The following ESPL1 variants were observed in gnomAD, a reference collection of about 807,000 sequenced individuals.
ESPL1 encodes extra spindle pole bodies like 1, separase.
In ESPL1, 50 loss-of-function variants were observed where a neutral mutation model predicts 217.2. The observed-to-expected ratio is 0.23, with a 90% confidence interval of 0.18 to 0.29. ESPL1 has a LOEUF of 0.29. Among genes scored for constraint, ESPL1 ranks in the 10% least tolerant of loss-of-function variants. ESPL1 has a pLI of 1.00. For missense variants in ESPL1, 1,834 were observed against 2,603.0 expected (o/e 0.70, Z 6.43); for synonymous variants, 994 against 1,081.3 (o/e 0.92, Z 1.58).
intron 9 of ESPL1, 112 bp downstream of exon 9, chr12:53,277,339 G>A: frequency 2.7e-6 from 4 of 1,469,620 alleles, no homozygotes; most frequent in Non-Finnish European, 3.7e-6. Flanking sequence ...TTAGAGATGG[G>A]GTCTCTCTGT....
Position 53,269,526 on chromosome 12 carries a change from C to T in ESPL1, c.584C>T (p.Ala195Val), listed in dbSNP as rs759314610. 1 of 1,614,132 alleles carries T rather than the reference C, an allele frequency of 6.2e-7. No individual in the cohort carries two copies. Among genetic ancestry groups the T allele is most frequent in the African/African-American group, 1.3e-5 (1 of 74,936 alleles). Residue 195 changes from alanine (A) to valine (V), a missense_variant, in exon 3 of 31, where the codon GCC (alanine) becomes GTC (valine). Physicochemically the swap from Ala to Val is moderately conservative, Grantham distance 64 (BLOSUM62 0). Transcript: ENST00000257934. This position sits in a 1 kb window ranked among gnomAD's most constrained non-coding sequence, Gnocchi z 6.7. Reference sequence around the variant, plus strand: ...GTTCCTCACTTTGCTTCTCCAACAGCCTGTCGAGCGGTAGCTGCCCATCAG... The same window carrying T: ...GTTCCTCACTTTGCTTCTCCAACAGTCTGTCGAGCGGTAGCTGCCCATCAG... The part of the protein sequence containing the change: ...CEVPHFASPT[A>V]CRAVAAHQLF...
In ESPL1 at chr12:53,285,928, T is replaced by A; in HGVS notation, c.3192T>A (p.Phe1064Leu). Residue 1064 changes from phenylalanine (F) to leucine (L), a missense_variant, in exon 18 of 31, where the codon TTT becomes TTA. By Grantham distance (22) the Phe-to-Leu change is conservative (BLOSUM62 0). This residue lies in a region of ESPL1 where 681 missense variants were observed against 808.0 expected (regional missense o/e 0.84). Coordinates refer to ENST00000257934, the MANE Select transcript of ESPL1 (RefSeq NM_012291.5). ...CTTGTTCTGCCTTCTCCCCAGAGTT[T>A]GGTGGGGTGACTCAGCACCTGGACT... ...VLFLLESCTE[F>L]GGVTQHLDSV... The A allele has an allele frequency of 6.6e-7, 1 of 1,518,538 alleles. No individual in the cohort carries two copies. The highest frequency in any genetic ancestry group is 8.8e-7 in the Non-Finnish European group (1 of 1,131,140). 94.1% of individuals were successfully genotyped at this position (1,518,538 alleles called of 1,614,324 possible).
Position 53,282,888 on chromosome 12 carries a change from G to A in ESPL1, c.2792-241G>A, listed in dbSNP as rs568067617. Among the ~76,000 whole-genome samples, 9 of 152,308 alleles carry A rather than the reference G, an allele frequency of 5.9e-5. No homozygotes were observed. Among genetic ancestry groups the A allele is most frequent in the South Asian group, 4.1e-4 (2 of 4,830 alleles). On this transcript the variant is annotated intron_variant, in intron 14 of 30. Coordinates refer to ENST00000257934, the MANE Select transcript of ESPL1 (RefSeq NM_012291.5). The surrounding 1 kb of genome is among the most constrained non-coding windows in gnomAD (Gnocchi z 4.0). ...AGGCTGGTCTCAAACTCCTGACCTC[G>A]GGTGATCCGTCTGCCTCAGCCTCCC... is the stretch of plus-strand genomic sequence containing the variant.
rs751140714 is a variant in ESPL1 at position 53,286,771 on chromosome 12, C to T, written c.4035C>T (p.Cys1345=). ...GTCTGGAAGGTAGAGGACTGCCCTG[C>T]ACACCTAAACCCCCAGACCGGATCA... ...QKGLEGRGLP[C]TPKPPDRIRQ... is the part of the protein sequence containing the mutation. Residue 1345 remains cysteine, a synonymous_variant, in exon 18 of 31, where the codon TGC becomes TGT. Transcript: ENST00000257934. This position sits in a 1 kb window ranked among gnomAD's most constrained non-coding sequence, Gnocchi z 5.3. 1.2e-6 allele frequency: 2 copies of T among 1,614,166 alleles called. No homozygotes were observed. The highest frequency in any genetic ancestry group is 1.1e-5 in the South Asian group (1 of 91,082).
chr12:53,274,859 C>G lies in ESPL1; in HGVS notation c.1549C>G (p.Leu517Val). Residue 517 changes from leucine to valine, a missense_variant, in exon 7 of 31, where the codon CTG (leucine) becomes GTG (valine). Leu to Val is a conservative substitution (Grantham distance 32). Around this residue, in one of 5 missense-constraint regions of ESPL1, gnomAD observed 746 missense variants for 1,077.0 expected, o/e 0.69. Transcript: ENST00000257934. ...GCTACAAGTAGAGAGTTTGAAGAAA[C>G]TGGGTAAACAGGCCCAGGGCTGCAA... ...FRLQVESLKK[L>V]GKQAQGCKMV... 2.5e-6 allele frequency: 4 copies of G among 1,614,136 alleles called. No homozygotes were observed. The highest frequency in any genetic ancestry group is 3.4e-6 in the Non-Finnish European group (4 of 1,180,000).
chr12:53,287,559 T>A (rs1428510911), intron 18 of ESPL1: 1 of 155,466 alleles, frequency 6.4e-6, no homozygotes, highest in African/African-American at 2.4e-5. Context: ...AAGACGGGGT[T>A]TTACCATGAT....
chr12:53,272,154 T>C (rs1943687424), intron 5 of ESPL1, among the ~76,000 whole-genome samples: 2 of 152,040 alleles, frequency 1.3e-5, no homozygotes, highest in Admixed American at 6.5e-5. Context: ...TACTTGGATG[T>C]GTCGGTAAGC....
chr12:53,291,089 G>C, intron 25 of ESPL1, 93 bp downstream of exon 25: 1 of 1,121,940 alleles, frequency 8.9e-7, no homozygotes, highest in Non-Finnish European at 1.2e-6. Context: ...GATTGCTTGA[G>C]CTCAGGAGCT....
chr12:53,293,185 C>A lies in ESPL1; in HGVS notation c.6162-88C>A. The A allele has an allele frequency of 8.4e-7, 1 of 1,196,624 alleles. No individual in the cohort carries two copies. Among genetic ancestry groups the A allele is most frequent in the Non-Finnish European group, 1.2e-6 (1 of 810,868 alleles). 74.1% of individuals were successfully genotyped at this position (1,196,624 alleles called of 1,614,324 possible). On this transcript the variant is annotated intron_variant, in intron 30 of 30. Coordinates refer to ENST00000257934, the MANE Select transcript of ESPL1 (RefSeq NM_012291.5). The surrounding 1 kb of genome is among the most constrained non-coding windows in gnomAD (Gnocchi z 4.2). ...AGTTTCTCATTGGTTCAATCCTCTC[C>A]ACTCACCCACCCCCACCACCAATGG...
Position 53,292,193 on chromosome 12 carries a change from C to G in ESPL1, c.5797-85C>G, listed in dbSNP as rs772543663. 4.2e-6 allele frequency: 6 copies of G among 1,415,892 alleles called. No homozygotes were observed. Among genetic ancestry groups the G allele is most frequent in the Non-Finnish European group, 6.0e-6 (6 of 1,000,154 alleles). The allele number at this position is 1,415,892 out of a possible 1,614,324, so 87.7% of individuals were successfully genotyped here. On this transcript the variant is annotated intron_variant, in intron 27 of 30. Transcript: ENST00000257934. The surrounding 1 kb of genome is among the most constrained non-coding windows in gnomAD (Gnocchi z 4.5). ...AGATAGGAGAGGGTCCTAGGAATGG[C>G]TCAGACATGGAAAGGGGCTGAGATT...
At position 53,277,872 on chromosome 12, in the gene ESPL1, C is replaced by A. The variant is rs1004139204; in HGVS notation, c.2276C>A (p.Thr759Lys). 3 of 1,614,206 alleles carry A rather than the reference C, an allele frequency of 1.9e-6. No homozygotes were observed. Among genetic ancestry groups the A allele is most frequent in the South Asian group, 2.2e-5 (2 of 91,086 alleles). Residue 759 changes from threonine (T) to lysine (K), a missense_variant, in exon 11 of 31, where the codon ACA becomes AAA. Transcript: ENST00000257934. ...QALALWKELL[T>K]KGQAPAVRCL... ...CTGGCCCTGTGGAAGGAGCTGCTTA[C>A]AAAGGGGCAGGCCCCAGCTGTACGG...
intron 17 of ESPL1, 57 bp from the exon 18 acceptor site, chr12:53,285,854 CAAGGTCGCTCAGG>C (rs1943938651): frequency 7.4e-7 from 1 of 1,345,362 alleles, no homozygotes; most frequent in Non-Finnish European, 1.0e-6. Flanking sequence ...AATTGGGCCC[CAAGGTCGCTCAGG>C]AAGTGCTTGA....
intron 12 of ESPL1, 29 bp from the exon 13 acceptor site, chr12:53,281,477 TC>T: frequency 6.2e-7 from 1 of 1,608,796 alleles, no homozygotes; most frequent in South Asian, 1.1e-5. Context: ...TGGCTGCCTT[TC>T]CTCATGTGCC....
chr12:53,287,802 G>A, intron 18 of ESPL1, 170 bp from the exon 19 acceptor site: 1 of 596,148 alleles, frequency 1.7e-6, no homozygotes, highest in Non-Finnish European at 2.9e-6. Context: ...ACACCCAAGA[G>A]TCGCTGCCCC....
chr12:53,290,982 C>G lies in ESPL1; in HGVS notation c.5506C>G (p.Arg1836Gly), dbSNP rs775902491. The stretch of plus-strand genomic sequence containing the variant: ...GGACTGTGGCTGGAAATATCCTGAC[C>G]GCACTCTGCTGAAAGTGAGTGAGGA... Reference protein sequence around the residue: ...LQDCGWKYPDRTLLKIMLSGA... With the variant: ...LQDCGWKYPDGTLLKIMLSGA... Residue 1836 changes from arginine (R) to glycine (G), a missense_variant, in exon 25 of 31, where the codon CGC (arginine) becomes GGC (glycine). This residue lies in a region of ESPL1 where 295 missense variants were observed against 519.8 expected (regional missense o/e 0.57). Coordinates refer to ENST00000257934, the MANE Select transcript of ESPL1 (RefSeq NM_012291.5). 1 of 1,591,878 alleles carries G rather than the reference C, an allele frequency of 6.3e-7. No homozygotes were observed. Among genetic ancestry groups the G allele is most frequent in the African/African-American group, 1.3e-5 (1 of 74,452 alleles).
intron 18 of ESPL1, 146 bp downstream of exon 18, chr12:53,287,058 A>G (rs1943960903): frequency 1.4e-5 from 11 of 773,758 alleles, no homozygotes; most frequent in Admixed American, 3.1e-5. Flanking sequence ...CAGTACCCCA[A>G]TATCTTGCTT....
intron 6 of ESPL1, among the ~76,000 whole-genome samples, chr12:53,273,188 AC>A (rs1247261564): frequency 6.6e-6 from 1 of 151,236 alleles, no homozygotes; most frequent in African/African-American, 2.4e-5. Context: ...ACAGGTGCCC[AC>A]CACCACGCCC....
intron 1 of ESPL1, 124 bp downstream of exon 1, chr12:53,268,501 G>T (rs1400309572): frequency 2.2e-6 from 1 of 463,684 alleles, no homozygotes; most frequent in East Asian, 4.2e-5. Context: ...GGACTGCCCC[G>T]GGCCGCTGAA....
intron 5 of ESPL1, among the ~76,000 whole-genome samples, chr12:53,272,158 G>A (rs771856324): frequency 3.5e-4 from 53 of 152,034 alleles, no homozygotes; most frequent in Non-Finnish European, 7.2e-4. Context: ...TGGATGTGTC[G>A]GTAAGCAAAA....
Sources: allele counts gnomAD v4.1 joint callset (sites outside exome capture counted in the v4.1 genomes callset), GRCh38; gene constraint gnomAD v4.1.1; regional missense constraint gnomAD v4.1.1; non-coding constraint Gnocchi (gnomAD v3.1); transcripts MANE v1.5; gene names NCBI Gene and HGNC (gene_info 2026-07-23, HGNC 2026-07-21).